Variants in ARL15 observed in about 807,000 individuals in gnomAD.
The protein encoded by ARL15 is ADP-ribosylation factor-like protein 15.
In ARL15, 19 loss-of-function variants were observed where a neutral mutation model predicts 25.2. That is an observed-to-expected ratio of 0.75 (90% CI 0.53 to 1.10). The LOEUF (loss-of-function observed/expected upper bound fraction) is 1.10. Among genes scored for constraint, ARL15 ranks in the 50% least tolerant of loss-of-function variants. ARL15 has a pLI of 0.00. For synonymous variants in ARL15, 94 were observed against 86.8 expected (o/e 1.08, Z -0.46); for missense variants, 220 against 246.0 (o/e 0.89, Z 0.71).
At chr5:54,116,854 T>C (rs1752914410) in intron 3 of ARL15, among the ~76,000 whole-genome samples, 1 of 152,140 alleles carries the variant, frequency 6.6e-6, no homozygotes, top group Non-Finnish European at 1.5e-5. Flanking sequence ...GTGATTGAAA[T>C]AGAGATCATG....
intron 1 of ARL15, among the ~76,000 whole-genome samples, chr5:54,202,011 T>C (rs767445863): frequency 2.6e-5 from 4 of 152,112 alleles, no homozygotes; most frequent in Non-Finnish European, 5.9e-5. Flanking sequence ...CTAGAGTATA[T>C]GGCACAAATA....
At chr5:54,116,945 A>G (rs956110865) in intron 3 of ARL15, among the ~76,000 whole-genome samples, 2 of 152,240 alleles carry the variant, frequency 1.3e-5, no homozygotes, top group African/African-American at 2.4e-5. Context: ...CTATTGGAAC[A>G]AAAGGTAAGT....
At chr5:54,215,655 G>A (rs891434424) in intron 1 of ARL15, among the ~76,000 whole-genome samples, 3 of 152,036 alleles carry the variant, frequency 2.0e-5, no homozygotes, top group African/African-American at 7.2e-5. Context: ...AATATTTAAT[G>A]AGCTTGGGCT....
chr5:54,003,634 T>C (rs1399384869), intron 4 of ARL15, among the ~76,000 whole-genome samples: 2 of 151,848 alleles, frequency 1.3e-5, no homozygotes, highest in African/African-American at 4.8e-5. Flanking sequence ...GAATGGAATG[T>C]CAGAATGTCA....
intron 3 of ARL15, among the ~76,000 whole-genome samples, chr5:54,151,733 C>G (rs2112341006): frequency 6.6e-6 from 1 of 151,776 alleles, no homozygotes; most frequent in Non-Finnish European, 1.5e-5. Flanking sequence ...CATTAAGATC[C>G]CCAAAAGTGA....
rs188009112 is a variant in ARL15 at position 54,009,834 on chromosome 5, C to G, written c.462+103368G>C. Among the ~76,000 whole-genome samples, 35 of 152,226 alleles carry G rather than the reference C, an allele frequency of 2.3e-4. No homozygotes were observed. In the East Asian group the frequency reaches 6.4e-3, roughly 28 times the overall value. ...GGAGAGTAGGGAACATCTCCAAAAC[C>G]CATTTTAGCAATATTCCAACAGTTC... On this transcript the variant is annotated intron_variant, in intron 4 of 4. Transcript: ENST00000504924.
chr5:54,116,533 A>T (rs768324106), intron 3 of ARL15, among the ~76,000 whole-genome samples: 1 of 152,356 alleles, frequency 6.6e-6, no homozygotes, highest in Middle Eastern at 3.4e-3. Flanking sequence ...CACAGTTTTC[A>T]TTGTAAGACT....
At chr5:54,250,555 TGAG>T (rs1468118380) in intron 1 of ARL15, among the ~76,000 whole-genome samples, 8 of 152,172 alleles carry the variant, frequency 5.3e-5, no homozygotes, top group Admixed American at 3.9e-4. Flanking sequence ...CAGTAAGTTC[TGAG>T]GAGTAGAAAT....
intron 1 of ARL15, among the ~76,000 whole-genome samples, chr5:54,305,218 G>A (rs1758725325): frequency 6.6e-6 from 1 of 152,000 alleles, no homozygotes; most frequent in Non-Finnish European, 1.5e-5. Context: ...CCCAAACACT[G>A]GCAGGGCACG....
At chr5:54,208,701 CCGACTT>C (rs1258856186) in intron 1 of ARL15, among the ~76,000 whole-genome samples, 1 of 152,120 alleles carries the variant, frequency 6.6e-6, no homozygotes, top group Non-Finnish European at 1.5e-5. Flanking sequence ...CTCAAAAAAA[CCGACTT>C]CCCATGAACT....
chr5:54,152,212 G>A (rs1754087976), intron 3 of ARL15, among the ~76,000 whole-genome samples: 1 of 152,090 alleles, frequency 6.6e-6, no homozygotes, highest in Non-Finnish European at 1.5e-5. Context: ...GAAATTCTCA[G>A]TCAAGCAACT....
intron 4 of ARL15, among the ~76,000 whole-genome samples, chr5:53,902,561 T>C (rs1327572382): frequency 6.6e-6 from 1 of 152,206 alleles, no homozygotes; most frequent in Non-Finnish European, 1.5e-5. Flanking sequence ...AATGTTAATA[T>C]ATGGAACCCA....
At chr5:54,013,569 T>C (rs1749312045) in intron 4 of ARL15, among the ~76,000 whole-genome samples, 1 of 152,220 alleles carries the variant, frequency 6.6e-6, no homozygotes, top group Non-Finnish European at 1.5e-5. Context: ...GATGCAGGCA[T>C]AGCTTACCTT....
intron 1 of ARL15, among the ~76,000 whole-genome samples, chr5:54,179,429 A>C (rs1198808957): frequency 6.6e-6 from 1 of 152,138 alleles, no homozygotes; most frequent in Non-Finnish European, 1.5e-5. Flanking sequence ...AGGAAGGCGA[A>C]GATACAAGTC....
At chr5:54,286,866 C>CT (rs529169299) in intron 1 of ARL15, among the ~76,000 whole-genome samples, 11,990 of 126,124 alleles carry the variant, frequency 0.095, 623 homozygotes, top group East Asian at 0.18. Context: ...ATTTGCAGGG[C>CT]TTTTTTTTTT....
chr5:53,946,455 G>GAAAAA (rs55727717), intron 4 of ARL15, among the ~76,000 whole-genome samples: 8 of 43,948 alleles, frequency 1.8e-4, no homozygotes, highest in Admixed American at 3.5e-4. Context: ...GTCTCAAGAG[G>GAAAAA]AAAAAAAAAA....
intron 1 of ARL15, among the ~76,000 whole-genome samples, chr5:54,185,131 A>T (rs1755201125): frequency 6.6e-6 from 1 of 152,106 alleles, no homozygotes; most frequent in Non-Finnish European, 1.5e-5. Flanking sequence ...ACAAAACTTA[A>T]TTGATAATAA....
intron 4 of ARL15, among the ~76,000 whole-genome samples, chr5:53,951,018 A>C (rs1156287740): frequency 1.3e-5 from 2 of 152,246 alleles, no homozygotes; most frequent in African/African-American, 4.8e-5. Flanking sequence ...GCAAGAGCCA[A>C]GAATGGTTTT....
chr5:54,031,277 C>T (rs949902084), intron 4 of ARL15, among the ~76,000 whole-genome samples: 1 of 152,182 alleles, frequency 6.6e-6, no homozygotes, highest in Non-Finnish European at 1.5e-5. Context: ...GGAAAGATAA[C>T]TTGATGCTCA....
Sources: allele counts gnomAD v4.1 joint callset (sites outside exome capture counted in the v4.1 genomes callset), GRCh38; gene constraint gnomAD v4.1.1; transcripts MANE v1.5; gene names NCBI Gene and HGNC (gene_info 2026-07-23, HGNC 2026-07-21).